The following LMO7 variants were observed in gnomAD, a reference collection of about 807,000 sequenced individuals.
LMO7 encodes LIM domain only protein 7.
In LMO7, 120 loss-of-function variants were observed where a neutral mutation model predicts 206.5. That is an observed-to-expected ratio of 0.58 (90% CI 0.50 to 0.68). The LOEUF (loss-of-function observed/expected upper bound fraction) is 0.68. Among genes scored for constraint, LMO7 ranks in the 30% least tolerant of loss-of-function variants. The pLI is 0.00. For synonymous variants in LMO7, 706 were observed against 681.5 expected (o/e 1.04, Z -0.56); for missense variants, 1,959 against 1,957.9 (o/e 1.00, Z -0.01).
chr13:75,670,870 C>T (rs1183588625), intron 1 of LMO7, among the ~76,000 whole-genome samples: 1 of 149,504 alleles, frequency 6.7e-6, no homozygotes, highest in Non-Finnish European at 1.5e-5. Context: ...CTTTTTGACT[C>T]TTGTAATGAC....
At chr13:75,766,827 C>T (rs1047169289) in intron 4 of LMO7, among the ~76,000 whole-genome samples, 5 of 152,016 alleles carry the variant, frequency 3.3e-5, no homozygotes, top group African/African-American at 4.8e-5. Flanking sequence ...TACATCTTTG[C>T]GTGTTTATTT....
intron 1 of LMO7, among the ~76,000 whole-genome samples, chr13:75,685,653 C>A (rs931628402): frequency 6.6e-6 from 1 of 152,016 alleles, no homozygotes; most frequent in African/African-American, 2.4e-5. Flanking sequence ...ACCAGAGTTT[C>A]AGGCTTACCT....
At chr13:75,681,869 G>C (rs752876452) in intron 1 of LMO7, among the ~76,000 whole-genome samples, 1 of 151,634 alleles carries the variant, frequency 6.6e-6, no homozygotes, top group East Asian at 1.9e-4. Flanking sequence ...TAGCTGAGTA[G>C]TATTCCTTGC....
chr13:75,817,818 A>G (rs189640982), intron 12 of LMO7, among the ~76,000 whole-genome samples: 12 of 152,342 alleles, frequency 7.9e-5, no homozygotes, highest in Admixed American at 7.8e-4. Context: ...CAGAGTTGAC[A>G]TATATCCAGG....
intron 1 of LMO7, among the ~76,000 whole-genome samples, chr13:75,707,077 A>G (rs2042713374): frequency 6.6e-6 from 1 of 151,766 alleles, no homozygotes; most frequent in South Asian, 2.1e-4. Context: ...GGTATGGGAG[A>G]TTTAGTAAAT....
chr13:75,711,282 A>C (rs926634403), intron 1 of LMO7, among the ~76,000 whole-genome samples: 122 of 151,868 alleles, frequency 8.0e-4, no homozygotes, highest in African/African-American at 2.8e-3. Flanking sequence ...TGTCTCTGCC[A>C]GGCTTTGGTA....
chr13:75,710,370 A>C (rs2042997733), intron 1 of LMO7, among the ~76,000 whole-genome samples: 1 of 152,194 alleles, frequency 6.6e-6, no homozygotes, highest in Non-Finnish European at 1.5e-5. Flanking sequence ...ATGGCATTGA[A>C]TCTATAAATT....
At chr13:75,772,113 A>G (rs1171169185) in intron 4 of LMO7, among the ~76,000 whole-genome samples, 2 of 152,160 alleles carry the variant, frequency 1.3e-5, no homozygotes, top group Non-Finnish European at 2.9e-5. Context: ...GAATTTCTTT[A>G]CCAAGATTTA....
chr13:75,764,009 C>T (rs1433587745), intron 4 of LMO7, among the ~76,000 whole-genome samples: 1 of 152,110 alleles, frequency 6.6e-6, no homozygotes, highest in Non-Finnish European at 1.5e-5. Flanking sequence ...AAATTATCCT[C>T]TTATGTGTTC....
intron 1 of LMO7, among the ~76,000 whole-genome samples, chr13:75,662,077 C>T (rs1173828603): frequency 6.6e-6 from 1 of 152,124 alleles, no homozygotes; most frequent in Non-Finnish European, 1.5e-5. Flanking sequence ...TCATGACTCA[C>T]CTTCAGTCAT....
intron 11 of LMO7, chr13:75,816,818 A>G: frequency 6.0e-6 from 1 of 166,088 alleles, no homozygotes; most frequent in Non-Finnish European, 1.3e-5. Flanking sequence ...AATTCTAGTG[A>G]CTATTTTTTC....
chr13:75,645,762 C>G (rs556045591), intron 1 of LMO7, among the ~76,000 whole-genome samples: 52 of 152,254 alleles, frequency 3.4e-4, no homozygotes, highest in African/African-American at 1.2e-3. Flanking sequence ...CTTCATTGCC[C>G]TCTAGGTTTT....
intron 11 of LMO7, among the ~76,000 whole-genome samples, chr13:75,816,517 C>G (rs968172005): frequency 5.9e-5 from 9 of 152,222 alleles, no homozygotes; most frequent in Admixed American, 6.5e-5. Context: ...AGCTTAACCT[C>G]AGTCCATCCT....
chr13:75,702,150 C>T (rs866530246), intron 1 of LMO7, among the ~76,000 whole-genome samples: 37 of 150,394 alleles, frequency 2.5e-4, no homozygotes, highest in Middle Eastern at 3.2e-3. Flanking sequence ...TCTGGTTTAA[C>T]GATGATTGAG....
rs187788691 is a variant in LMO7 at position 75,733,285 on chromosome 13, T to G, written c.210+6187T>G. Among the ~76,000 whole-genome samples the G allele has an allele frequency of 4.2e-3, 633 of 152,358 alleles. 6 individuals are homozygous for G. The highest frequency in any genetic ancestry group is 0.014 in the African/African-American group (598 of 41,590). On this transcript the variant is annotated intron_variant, in intron 3 of 30. Coordinates refer to ENST00000377534, the MANE Select transcript of LMO7 (RefSeq NM_001306080.2). The stretch of plus-strand genomic sequence containing the variant: ...GAGCTGTGGTGGGCTCCACCCAGTT[T>G]GAGCTTCCCAACTGCTTTGTTTACC...
At chr13:75,797,243 TA>T (rs2054143883) in intron 6 of LMO7, among the ~76,000 whole-genome samples, 1 of 152,156 alleles carries the variant, frequency 6.6e-6, no homozygotes, top group African/African-American at 2.4e-5. Context: ...TCCTAAAGAG[TA>T]GGACATGGTG....
At chr13:75,804,645 A>T in intron 8 of LMO7, 104 bp downstream of exon 8, 1 of 1,340,604 alleles carries the variant, frequency 7.5e-7, no homozygotes. Context: ...CATAGATCAT[A>T]TATTAAGCTT....
At chr13:75,697,605 C>G (rs1027203016) in intron 1 of LMO7, among the ~76,000 whole-genome samples, 1 of 152,212 alleles carries the variant, frequency 6.6e-6, no homozygotes, top group African/African-American at 2.4e-5. Flanking sequence ...GGTGGGGACA[C>G]AGCCAAACCA....
At chr13:75,738,665 T>C (rs192430122) in intron 3 of LMO7, among the ~76,000 whole-genome samples, 1 of 152,314 alleles carries the variant, frequency 6.6e-6, no homozygotes, top group Non-Finnish European at 1.5e-5. Context: ...GTGGGTATGT[T>C]CAAATCACTG....
Sources: allele counts gnomAD v4.1 joint callset (sites outside exome capture counted in the v4.1 genomes callset), GRCh38; gene constraint gnomAD v4.1.1; transcripts MANE v1.5; gene names NCBI Gene and HGNC (gene_info 2026-07-23, HGNC 2026-07-21).